The following IL12RB1 variants were observed in gnomAD, a reference collection of about 807,000 sequenced individuals.
IL12RB1 encodes the protein interleukin 12 receptor subunit beta 1, also known as interleukin-12 receptor subunit beta-1.
IL12RB1 carries 64 observed loss-of-function variants against 94.4 expected under a neutral mutation model. The observed-to-expected ratio is 0.68, with a 90% confidence interval of 0.55 to 0.83. The LOEUF (loss-of-function observed/expected upper bound fraction) is 0.83, where lower values mean the gene tolerates loss of function less well. IL12RB1 is among the 40% of genes least tolerant of loss of function. IL12RB1 has a pLI of 0.00. For missense variants in IL12RB1, 814 were observed against 855.6 expected (o/e 0.95, Z 0.61); for synonymous variants, 362 against 355.5 (o/e 1.02, Z -0.21).
rs1353293489 is a variant in IL12RB1 at position 18,080,747 on chromosome 19, G to A, written c.409+85C>T. ...TAGTAGTATCAAGTCCCTTGCCAAG[G>A]GCCAGGAATCCTCTCTAGCTCCAGC... On this transcript the variant is annotated intron_variant, in intron 4 of 16. Transcript: ENST00000593993. 4 of 905,742 alleles carry A rather than the reference G, an allele frequency of 4.4e-6. No homozygotes were observed. In the African/African-American group the frequency reaches 6.5e-5, roughly 15 times the overall value. The allele number at this position is 905,742 out of a possible 1,614,324, so 56.1% of individuals were successfully genotyped here.
At chr19:18,087,714 G>A (rs1257166154), upstream of IL12RB1, among the ~76,000 whole-genome samples, 1 of 151,028 alleles carries the variant, frequency 6.6e-6, no homozygotes. Flanking sequence ...AAGAGAGGGG[G>A]TTTTGCCATG....
In IL12RB1 at chr19:18,061,163, G is replaced by T. The variant is rs1011795611; in HGVS notation, c.1750C>A (p.Pro584Thr). 28 of 1,603,376 alleles carry T rather than the reference G, an allele frequency of 1.7e-5. No individual in the cohort carries two copies. Among genetic ancestry groups the T allele is most frequent in the Non-Finnish European group, 2.2e-5 (26 of 1,173,916 alleles). ...AACTCAATGGCGGAGCTGGCACAGG[G>T]TGTGGGCAGCGGCGGGCACAGGTGC... ...ARHLCPPLPT[P>T]CASSAIEFPG... Residue 584 changes from proline to threonine, a missense_variant, in exon 15 of 17, where the codon CCC becomes ACC. Pro to Thr is a conservative substitution (Grantham distance 38). Coordinates refer to ENST00000593993, the MANE Select transcript of IL12RB1 (RefSeq NM_005535.3).
chr19:18,086,166 T>A (rs1328401295), intron 1 of IL12RB1, among the ~76,000 whole-genome samples: 1 of 151,794 alleles, frequency 6.6e-6, no homozygotes, highest in Non-Finnish European at 1.5e-5. Context: ...AAGGCTGCAA[T>A]GAGTTATGAT....
chr19:18,081,613 G>A (rs894429466), intron 3 of IL12RB1, among the ~76,000 whole-genome samples: 19 of 151,360 alleles, frequency 1.3e-4, no homozygotes, highest in African/African-American at 4.4e-4. Context: ...CTGAGGCCAG[G>A]AGTTCAAGAC....
Position 18,073,784 on chromosome 19 carries a change from C to A in IL12RB1, c.701-185G>T, listed in dbSNP as rs185203143. ...AATTTGCATCCCCAGGGATAACTGC[C>A]ACCTGTAATCTCATGTTGCCTAAGG... On this transcript the variant is annotated intron_variant, in intron 7 of 16. Coordinates refer to ENST00000593993, the MANE Select transcript of IL12RB1 (RefSeq NM_005535.3). Among the ~76,000 whole-genome samples the A allele has an allele frequency of 1.0e-3, 154 of 152,334 alleles. 2 individuals are homozygous for A. Among genetic ancestry groups the A allele is most frequent in the Non-Finnish European group, 1.8e-3 (125 of 68,022 alleles).
intron 1 of IL12RB1, 43 bp from the exon 2 acceptor site, chr19:18,083,534 C>T: frequency 2.5e-6 from 4 of 1,597,294 alleles, no homozygotes; most frequent in Non-Finnish European, 3.4e-6. Context: ...TGGCCTTGCA[C>T]TGTGTGGGGA....
chr19:18,081,833 A>G (rs1197881560), intron 3 of IL12RB1, among the ~76,000 whole-genome samples: 2 of 139,130 alleles, frequency 1.4e-5, no homozygotes, highest in African/African-American at 2.7e-5. Context: ...AAAAGAAAAA[A>G]AGAAAAAAGA....
chr19:18,086,318 C>T (rs528172775), intron 1 of IL12RB1, among the ~76,000 whole-genome samples: 1 of 152,010 alleles, frequency 6.6e-6, no homozygotes, highest in African/African-American at 2.4e-5. Context: ...AAATACTTTA[C>T]CATTTTATAT....
chr19:18,097,635 A>G (rs970746683), intron 1 of IL12RB1, among the ~76,000 whole-genome samples: 1 of 147,432 alleles, frequency 6.8e-6, no homozygotes, highest in Non-Finnish European at 1.5e-5. Context: ...GGGCGGGGCC[A>G]GCTCGCCCAG....
chr19:18,074,534 G>A (rs1384704333), intron 7 of IL12RB1, among the ~76,000 whole-genome samples: 1 of 152,074 alleles, frequency 6.6e-6, no homozygotes, highest in Non-Finnish European at 1.5e-5. Flanking sequence ...GATCACTTGA[G>A]GCCAGGAGTT....
chr19:18,084,229 A>T (rs918087555), intron 1 of IL12RB1, among the ~76,000 whole-genome samples: 3 of 147,078 alleles, frequency 2.0e-5, no homozygotes, highest in African/African-American at 7.7e-5. Flanking sequence ...CCACCCCACC[A>T]TCCGTCCATC....
chr19:18,061,169 G>T lies in IL12RB1; in HGVS notation c.1744C>A (p.Pro582Thr). 6.3e-7 allele frequency: 1 copy of T among 1,597,340 alleles called. No homozygotes were observed. The highest frequency in any genetic ancestry group is 1.7e-5 in the Admixed American group (1 of 57,808). Residue 582 changes from proline to threonine, a missense_variant, in exon 15 of 17, where the codon CCC (proline) becomes ACC (threonine). Pro to Thr is a conservative substitution (Grantham distance 38). Transcript: ENST00000593993. ...ATGGCGGAGCTGGCACAGGGTGTGG[G>T]CAGCGGCGGGCACAGGTGCCGTGCG... ...RAARHLCPPL[P>T]TPCASSAIEF...
chr19:18,093,704 T>G (rs1760977827), intron 1 of IL12RB1, among the ~76,000 whole-genome samples: 1 of 152,174 alleles, frequency 6.6e-6, no homozygotes. Context: ...CTGAGTCACA[T>G]GTCCACCCCA....
At chr19:18,081,040 TC>T in intron 3 of IL12RB1, 39 bp from the exon 4 acceptor site, 3 of 1,591,870 alleles carry the variant, frequency 1.9e-6, no homozygotes, top group South Asian at 1.1e-5. Flanking sequence ...GAGTCTGGGG[TC>T]CTAGTGGACC....
chr19:18,090,722 G>A (rs1234949148), upstream of IL12RB1: 1 of 152,044 alleles, frequency 6.6e-6, no homozygotes, highest in Admixed American at 6.5e-5. Flanking sequence ...GCTGGCCAGT[G>A]TGATTAGTCA....
At chr19:18,089,043 A>C (rs990609266), upstream of IL12RB1, among the ~76,000 whole-genome samples, 23 of 151,044 alleles carry the variant, frequency 1.5e-4, 1 homozygote, top group African/African-American at 3.6e-4. Flanking sequence ...AAAAAAAAAA[A>C]CACACATACA....
intron 7 of IL12RB1, among the ~76,000 whole-genome samples, chr19:18,075,063 C>A (rs1398920290): frequency 2.0e-5 from 3 of 148,604 alleles, no homozygotes; most frequent in Non-Finnish European, 3.0e-5. Context: ...AAAAAAAAAA[C>A]AACAAAAAAC....
intron 3 of IL12RB1, 72 bp from the exon 4 acceptor site, chr19:18,081,073 A>G: frequency 7.4e-7 from 1 of 1,346,794 alleles, no homozygotes; most frequent in Non-Finnish European, 1.0e-6. Flanking sequence ...TTTGTGCATC[A>G]CATCCCAGCA....
chr19:18,075,593 C>T (rs1373779516), intron 7 of IL12RB1, among the ~76,000 whole-genome samples, 156 bp downstream of exon 7: 1 of 152,068 alleles, frequency 6.6e-6, no homozygotes, highest in African/African-American at 2.4e-5. Context: ...GATGGGGTCT[C>T]ACTATGTTGC....
Sources: allele counts gnomAD v4.1 joint callset (sites outside exome capture counted in the v4.1 genomes callset), GRCh38; gene constraint gnomAD v4.1.1; transcripts MANE v1.5; gene names NCBI Gene and HGNC (gene_info 2026-07-23, HGNC 2026-07-21).